The following PMPCB variants were observed in gnomAD, a reference collection of about 807,000 sequenced individuals.
PMPCB encodes mitochondrial-processing peptidase subunit beta.
PMPCB carries 46 observed loss-of-function variants against 61.5 expected under a neutral mutation model. That is an observed-to-expected ratio of 0.75 (90% CI 0.59 to 0.96). The LOEUF (loss-of-function observed/expected upper bound fraction) is 0.96, where lower values mean the gene tolerates loss of function less well. Among genes scored for constraint, PMPCB ranks in the 40% least tolerant of loss-of-function variants. The pLI, the probability that PMPCB is intolerant of heterozygous loss-of-function variation, is 0.00. For synonymous variants in PMPCB, 191 were observed against 201.6 expected (o/e 0.95, Z 0.44); for missense variants, 590 against 602.4 (o/e 0.98, Z 0.22).
downstream of PMPCB, among the ~76,000 whole-genome samples, chr7:103,319,359 C>G (rs1049703675): frequency 4.6e-5 from 7 of 151,940 alleles, no homozygotes; most frequent in Admixed American, 4.6e-4. Context: ...ATCACTTGAA[C>G]CCGGGAGGCG....
chr7:103,331,766 A>G (rs1171917525), downstream of PMPCB, among the ~76,000 whole-genome samples: 1 of 152,156 alleles, frequency 6.6e-6, no homozygotes, highest in East Asian at 1.9e-4. Flanking sequence ...ATGGACACTT[A>G]GGTTGATTCC....
chr7:103,314,384 A>C lies in PMPCB; in HGVS notation c.*2113A>C, dbSNP rs1173665658. On this transcript the variant is annotated 3_prime_UTR_variant, in exon 13 of 13. Coordinates refer to ENST00000249269, the MANE Select transcript of PMPCB (RefSeq NM_004279.3). Reference sequence around the variant, plus strand: ...CAACTGAAGAGGAAGGAGCCTTCCCATTTCCATAAAAGAGGCAAAGGAGTC... The same window carrying C: ...CAACTGAAGAGGAAGGAGCCTTCCCCTTTCCATAAAAGAGGCAAAGGAGTC... 3.0e-6 allele frequency: 3 copies of C among 985,400 alleles called. No homozygotes were observed. The highest frequency in any genetic ancestry group is 2.3e-4 in the East Asian group (2 of 8,808). 61.0% of individuals were successfully genotyped at this position (985,400 alleles called of 1,614,324 possible).
At chr7:103,320,182 G>A (rs552124505) in intron 12 of PMPCB, among the ~76,000 whole-genome samples, 18 of 152,144 alleles carry the variant, frequency 1.2e-4, no homozygotes, top group Admixed American at 6.5e-4. Context: ...TCCACCTCCC[G>A]GGTTCAAGCT....
chr7:103,327,398 A>C, intron 12 of PMPCB: 1 of 1,087,672 alleles, frequency 9.2e-7, no homozygotes, highest in Non-Finnish European at 1.3e-6. Flanking sequence ...TGCAGATTTT[A>C]ATCAGTAGGT....
In PMPCB at chr7:103,319,739, C is replaced by T. The variant is rs764953269; in HGVS notation, c.*1431+7608C>T. ...TAAGCTCAAGTGAAGACTTCAATAG[C>T]AGTTCCATAGGTATACCTTGCCAGT... On this transcript the variant is annotated intron_variant and NMD_transcript_variant, in intron 12 of 12. Coordinates refer to the PMPCB transcript ENST00000444457. The T allele has an allele frequency of 5.0e-6, 8 of 1,614,132 alleles. No individual in the cohort carries two copies. In the Admixed American group the frequency reaches 1.3e-4, roughly 27 times the overall value.
chr7:103,338,905 G>C, the PMPCB span, among the ~76,000 whole-genome samples: 10 of 152,014 alleles, frequency 6.6e-5, no homozygotes, highest in African/African-American at 2.4e-4. Flanking sequence ...GTGAGACTCC[G>C]TCTCAAAATA....
chr7:103,311,537 G>T (rs1166910329), intron 9 of PMPCB, 106 bp from the exon 10 acceptor site: 2 of 729,626 alleles, frequency 2.7e-6, no homozygotes, highest in Non-Finnish European at 4.6e-6. Context: ...GAATTAAATT[G>T]TAATCACCTG....
In PMPCB at chr7:103,313,337, G is replaced by C; in HGVS notation, c.*1066G>C. ...AAGGCTTTTAAAACACAATAGTAAA[G>C]ATCTACCTTGTACTGTTTATCTCTT... On this transcript the variant is annotated 3_prime_UTR_variant, in exon 13 of 13. Transcript: ENST00000249269. 13 of 1,264,936 alleles carry C rather than the reference G, an allele frequency of 1.0e-5. No homozygotes were observed. The highest frequency in any genetic ancestry group is 1.3e-5 in the Non-Finnish European group (13 of 1,005,772). The allele number at this position is 1,264,936 out of a possible 1,614,324, so 78.4% of individuals were successfully genotyped here. A position where few individuals can be genotyped will look rare whatever the true frequency, so the allele number is the denominator to read the frequency against.
intron 12 of PMPCB, among the ~76,000 whole-genome samples, chr7:103,325,945 A>G (rs1275097924): frequency 1.3e-5 from 2 of 152,200 alleles, no homozygotes; most frequent in Non-Finnish European, 2.9e-5. Flanking sequence ...ACTGTCACCT[A>G]AGTGTAAGAA....
chr7:103,337,373 AAAAAACC>A, the PMPCB span: 2 of 165,282 alleles, frequency 1.2e-5, no homozygotes, highest in Non-Finnish European at 2.6e-5. Context: ...TAACGTAAAA[AAAAAACC>A]AAAAACCAAA....
chr7:103,322,764 C>G (rs753740660), intron 12 of PMPCB: 11 of 1,607,530 alleles, frequency 6.8e-6, no homozygotes, highest in South Asian at 5.5e-5. Flanking sequence ...TTGCTCTGTT[C>G]TGCTTTTCAA....
Position 103,312,037 on chromosome 7 carries a change from A to G in PMPCB, c.1330-19A>G. ...TTTTTACTACAAACAGCTGAATGAC[A>G]GTGTCTTCCATATTTCAGGCTGTGA... On this transcript the variant is annotated intron_variant, in intron 11 of 12. Transcript: ENST00000249269. 6.2e-7 allele frequency: 1 copy of G among 1,608,656 alleles called. No individual in the cohort carries two copies. Among genetic ancestry groups the G allele is most frequent in the Non-Finnish European group, 8.5e-7 (1 of 1,176,566 alleles).
intron 6 of PMPCB, 34 bp from the exon 7 acceptor site, chr7:103,307,562 T>A (rs189279162): frequency 1.3e-4 from 158 of 1,219,718 alleles, no homozygotes; most frequent in Non-Finnish European, 1.8e-4. Context: ...ATATTGCTGC[T>A]AGATACATGT....
At chr7:103,302,055 G>T (rs1426044201) in intron 4 of PMPCB, among the ~76,000 whole-genome samples, 1 of 152,202 alleles carries the variant, frequency 6.6e-6, no homozygotes, top group South Asian at 2.1e-4. Context: ...GCGGTGTTTG[G>T]TTTTTTGTCC....
chr7:103,317,706 A>G (rs1262498946), downstream of PMPCB, among the ~76,000 whole-genome samples: 1 of 152,044 alleles, frequency 6.6e-6, no homozygotes, highest in African/African-American at 2.4e-5. Context: ...GCTGGAGTGC[A>G]GTGGTGTGAT....
At chr7:103,302,593 A>AT (rs1817479296) in intron 4 of PMPCB, among the ~76,000 whole-genome samples, 1 of 152,090 alleles carries the variant, frequency 6.6e-6, no homozygotes, top group African/African-American at 2.4e-5. Flanking sequence ...TTTACAGATA[A>AT]TTTTTTCCTT....
downstream of PMPCB, among the ~76,000 whole-genome samples, chr7:103,333,511 A>C (rs990049283): frequency 1.3e-5 from 2 of 152,218 alleles, no homozygotes; most frequent in African/African-American, 4.8e-5. Context: ...AGCGGAGATA[A>C]AACGTAGATA....
chr7:103,324,138 C>T (rs747032327), intron 12 of PMPCB, among the ~76,000 whole-genome samples: 11 of 152,096 alleles, frequency 7.2e-5, no homozygotes, highest in Non-Finnish European at 1.3e-4. Context: ...CTAACTATTG[C>T]GCATATTAAA....
At chr7:103,310,200 T>G in intron 8 of PMPCB, 115 bp from the exon 9 acceptor site, 1 of 755,118 alleles carries the variant, frequency 1.3e-6, no homozygotes. Flanking sequence ...AGATGTTGAA[T>G]AAAACTAGGA....
Sources: gnomAD v4.1 joint callset for allele counts (sites outside exome capture counted in the v4.1 genomes callset) on GRCh38, gnomAD v4.1.1 for gene constraint, MANE v1.5 for transcripts, NCBI Gene and HGNC (gene_info 2026-07-23, HGNC 2026-07-21) for gene names.